ACVR2A: variants seen among roughly 807,000 people sequenced by gnomAD.
ACVR2A encodes activin A receptor type 2A.
In ACVR2A, 7 loss-of-function variants were observed where a neutral mutation model predicts 61.4. That is an observed-to-expected ratio of 0.11 (90% confidence interval 0.06 to 0.21). The LOEUF is 0.21. Among genes scored for constraint, ACVR2A ranks in the 10% least tolerant of loss-of-function variants. The pLI, the probability that ACVR2A is intolerant of heterozygous loss-of-function variation, is 1.00. For synonymous variants in ACVR2A, 193 were observed against 208.3 expected (o/e 0.93, Z 0.63); for missense variants, 322 against 621.7 (o/e 0.52, Z 5.13).
rs577929959 is a variant in ACVR2A at position 147,915,796 on chromosome 2, G to A, written c.672+462G>A. ...TTAATTATTTCAGTTTTTGTTTGAT[G>A]CATTTTCAGAGGCAATCGAGACTTC... On this transcript the variant is annotated intron_variant, in intron 5 of 10. Transcript: ENST00000241416. Among the ~76,000 whole-genome samples the A allele has an allele frequency of 3.9e-5, 6 of 152,024 alleles. No homozygotes were observed. In the South Asian group the frequency reaches 1.2e-3, roughly 31 times the overall value.
At chr2:147,917,745 A>G (rs1687282867) in intron 6 of ACVR2A, among the ~76,000 whole-genome samples, 1 of 151,922 alleles carries the variant, frequency 6.6e-6, no homozygotes, top group Non-Finnish European at 1.5e-5. Context: ...ACCATTTACA[A>G]TTCATTTTGA....
chr2:147,852,845 T>C (rs1017241353), intron 1 of ACVR2A, among the ~76,000 whole-genome samples: 2 of 152,110 alleles, frequency 1.3e-5, no homozygotes, highest in Non-Finnish European at 2.9e-5. Context: ...TGACCATGGA[T>C]GAAGGCAAGG....
chr2:147,850,484 C>T lies in ACVR2A; in HGVS notation c.55+5277C>T, dbSNP rs561351277. On this transcript the variant is annotated intron_variant, in intron 1 of 10. Coordinates refer to ENST00000241416, the MANE Select transcript of ACVR2A (RefSeq NM_001616.5). ...TCAGGTTTTCCTTAACTCTTTGCTG[C>T]TTCAGAAAAAGTTTCGCTCATCTTA... Among the ~76,000 whole-genome samples, 4 of 152,132 alleles carry T rather than the reference C, an allele frequency of 2.6e-5. No individual in the cohort carries two copies. The South Asian group carries it at 8.3e-4, about 32-fold the overall frequency.
At chr2:147,881,629 G>C (rs895156062) in intron 1 of ACVR2A, among the ~76,000 whole-genome samples, 4 of 121,854 alleles carry the variant, frequency 3.3e-5, no homozygotes, top group African/African-American at 1.1e-4. Context: ...GTGTGTGTGT[G>C]TGTGTGTGTG....
chr2:147,921,375 G>A (rs1287302885), intron 8 of ACVR2A, among the ~76,000 whole-genome samples: 4 of 152,110 alleles, frequency 2.6e-5, no homozygotes, highest in Non-Finnish European at 5.9e-5. Context: ...CAACCTAAAA[G>A]GTGACATTTT....
intron 1 of ACVR2A, among the ~76,000 whole-genome samples, chr2:147,876,820 C>A (rs921237058): frequency 2.0e-5 from 3 of 152,064 alleles, no homozygotes; most frequent in African/African-American, 7.2e-5. Context: ...AATTGGTGAC[C>A]CCTGACTCAT....
At chr2:147,908,059 A>G (rs957071078) in intron 4 of ACVR2A, among the ~76,000 whole-genome samples, 6 of 148,948 alleles carry the variant, frequency 4.0e-5, no homozygotes, top group East Asian at 2.0e-4. Flanking sequence ...AAAAAAGAAA[A>G]AAAAGAAAAA....
chr2:147,863,562 T>C (rs1484815103), intron 1 of ACVR2A, among the ~76,000 whole-genome samples: 1 of 152,242 alleles, frequency 6.6e-6, no homozygotes, highest in African/African-American at 2.4e-5. Flanking sequence ...CATACTATTT[T>C]GTATGTTTTA....
chr2:147,881,016 T>A (rs996330030), intron 1 of ACVR2A, among the ~76,000 whole-genome samples: 1 of 152,206 alleles, frequency 6.6e-6, no homozygotes, highest in African/African-American at 2.4e-5. Flanking sequence ...AGCTTACTTA[T>A]ATTGGTTAAA....
rs1206098223 is a variant in ACVR2A, at chr2:147,872,354, CT to C, written c.56-23945del. On this transcript the variant is annotated intron_variant, in intron 1 of 10. Transcript: ENST00000241416. Reference sequence around the variant, plus strand: ...TTGATTTAAAGCATTGATAGCTTACCTTATGTTGTGCTTCATATTTTCAGAA... The same window carrying C: ...TTGATTTAAAGCATTGATAGCTTACCTATGTTGTGCTTCATATTTTCAGAA... 9.2e-5 allele frequency among the ~76,000 whole-genome samples: 14 copies of C among 151,856 alleles called. No homozygotes were observed. The South Asian group carries it at 1.9e-3, about 20-fold the overall frequency.
At chr2:147,878,810 A>G (rs1036785260) in intron 1 of ACVR2A, among the ~76,000 whole-genome samples, 4 of 152,054 alleles carry the variant, frequency 2.6e-5, no homozygotes, top group African/African-American at 9.7e-5. Flanking sequence ...TTGGGAGGCT[A>G]GGGTGGGAAG....
chr2:147,868,783 C>G (rs1685939910), intron 1 of ACVR2A, among the ~76,000 whole-genome samples: 1 of 152,126 alleles, frequency 6.6e-6, no homozygotes, highest in East Asian at 1.9e-4. Flanking sequence ...AGGCATGCCA[C>G]CACACCTGGC....
At chr2:147,893,194 C>T (rs1686632814) in intron 1 of ACVR2A, among the ~76,000 whole-genome samples, 1 of 152,160 alleles carries the variant, frequency 6.6e-6, no homozygotes, top group Admixed American at 6.5e-5. Flanking sequence ...TTTCACTTAG[C>T]ATAATGTTTG....
chr2:147,904,291 G>A (rs887776765), intron 4 of ACVR2A, among the ~76,000 whole-genome samples: 44 of 152,076 alleles, frequency 2.9e-4, no homozygotes, highest in Admixed American at 1.1e-3. Context: ...CTATTATTAA[G>A]AAGTCTTATT....
chr2:147,888,907 GT>G (rs1483901717), intron 1 of ACVR2A, among the ~76,000 whole-genome samples: 3 of 151,914 alleles, frequency 2.0e-5, no homozygotes, highest in Non-Finnish European at 4.4e-5. Flanking sequence ...AACATTTGTT[GT>G]TTCACTGTTA....
chr2:147,923,233 G>A lies in ACVR2A; in HGVS notation c.1216+122G>A, dbSNP rs118048734. 4,501 of 1,117,074 alleles carry A rather than the reference G, an allele frequency of 4.0e-3. 11 individuals are homozygous for A. The highest frequency in any genetic ancestry group is 9.9e-3 in the East Asian group (380 of 38,556). 69.2% of individuals were successfully genotyped at this position (1,117,074 alleles called of 1,614,324 possible). A position where few individuals can be genotyped will look rare whatever the true frequency, so the allele number is the denominator to read the frequency against. ...TTTTTTTTAATTGACTCCAAGAGAT[G>A]GTAGAGAATTCAGGAGGCAGGGGAG... is the stretch of plus-strand genomic sequence containing the variant. On this transcript the variant is annotated intron_variant, in intron 9 of 10. Transcript: ENST00000241416.
In ACVR2A at chr2:147,845,084, T is replaced by G. The variant is rs1685270713; in HGVS notation, c.-69T>G. The G allele has an allele frequency of 1.6e-6, 2 of 1,285,152 alleles. No individual in the cohort carries two copies. The highest frequency in any genetic ancestry group is 3.1e-5 in the African/African-American group (2 of 64,826). 79.6% of individuals were successfully genotyped at this position (1,285,152 alleles called of 1,614,324 possible). ...TTGATTTTACACCAGGAGGTTTGTCTCCGAGGAAGACCCAGGGAACTGGAT... is the reference window on the plus strand; with the variant it reads ...TTGATTTTACACCAGGAGGTTTGTCGCCGAGGAAGACCCAGGGAACTGGAT... On this transcript the variant is annotated 5_prime_UTR_variant, in exon 1 of 11. Transcript: ENST00000241416.
At chr2:147,846,034 A>G (rs1330470764) in intron 1 of ACVR2A, among the ~76,000 whole-genome samples, 2 of 152,176 alleles carry the variant, frequency 1.3e-5, no homozygotes, top group South Asian at 2.1e-4. Context: ...TAAACGGGCC[A>G]TTTTATATTG....
intron 1 of ACVR2A, among the ~76,000 whole-genome samples, chr2:147,855,588 T>G (rs537003442): frequency 8.8e-4 from 134 of 152,316 alleles, no homozygotes; most frequent in Non-Finnish European, 1.6e-3. Flanking sequence ...CCCTTCCAGC[T>G]TTGAACATTC....
Sources: gnomAD v4.1 joint callset for allele counts (sites outside exome capture counted in the v4.1 genomes callset) on GRCh38, gnomAD v4.1.1 for gene constraint, MANE v1.5 for transcripts, NCBI Gene and HGNC (gene_info 2026-07-23, HGNC 2026-07-21) for gene names.